NAV2: variants seen among roughly 807,000 people sequenced by gnomAD.
The protein encoded by NAV2 is neuron navigator 2.
A neutral mutation model predicts 223.2 loss-of-function variants in NAV2; 54 were observed. The observed-to-expected ratio is 0.24, with a 90% CI of 0.19 to 0.30. NAV2 has a LOEUF of 0.30. Among genes scored for constraint, NAV2 ranks in the 10% least tolerant of loss-of-function variants. NAV2 has a pLI of 1.00. For missense variants in NAV2, 2,806 were observed against 3,147.5 expected (o/e 0.89, Z 2.60); for synonymous variants, 1,279 against 1,239.3 (o/e 1.03, Z -0.67).
chr11:19,946,625 A>T (rs897497826), intron 9 of NAV2, 116 bp downstream of exon 9: 2 of 820,096 alleles, frequency 2.4e-6, no homozygotes, highest in African/African-American at 3.5e-5. Flanking sequence ...TCGCTTTCCA[A>T]ATGTGCCGGA....
intron 19 of NAV2, among the ~76,000 whole-genome samples, chr11:20,059,410 A>C (rs762883162): frequency 6.6e-6 from 1 of 152,228 alleles, no homozygotes; most frequent in Non-Finnish European, 1.5e-5. Flanking sequence ...GATGAGGGTC[A>C]GAGGCACTTG....
intron 1 of NAV2, among the ~76,000 whole-genome samples, chr11:19,507,832 T>A (rs1201214090): frequency 1.3e-5 from 2 of 152,202 alleles, no homozygotes; most frequent in Non-Finnish European, 2.9e-5. Flanking sequence ...GAGTCCATTG[T>A]TATCCTCAAG....
intron 1 of NAV2, among the ~76,000 whole-genome samples, chr11:19,589,162 A>T (rs2045982229): frequency 6.6e-6 from 1 of 152,176 alleles, no homozygotes; most frequent in South Asian, 2.1e-4. Flanking sequence ...TATTTCTTGG[A>T]TCCTAAGATG....
In NAV2 at chr11:20,072,342, C is replaced by A. The variant is rs192239348; in HGVS notation, c.4983+3944C>A. On this transcript the variant is annotated intron_variant, in intron 22 of 37. Transcript: ENST00000349880. ...ACCATGCTGTTTTGGTTACTGTAGC[C>A]TTGTAGTATAGTTTGAAGTCAGTGT... Among the ~76,000 whole-genome samples, 243 of 152,216 alleles carry A rather than the reference C, an allele frequency of 1.6e-3. 1 individual carries two copies. The highest frequency in any genetic ancestry group is 5.6e-3 in the African/African-American group (231 of 41,526).
At chr11:19,482,655 G>A (rs966808028) in intron 1 of NAV2, among the ~76,000 whole-genome samples, 18 of 152,154 alleles carry the variant, frequency 1.2e-4, no homozygotes, top group African/African-American at 3.9e-4. Flanking sequence ...GTTGTCATAG[G>A]CTGAGCAAGG....
intron 1 of NAV2, among the ~76,000 whole-genome samples, chr11:19,362,636 T>TA (rs993947315): frequency 6.6e-6 from 1 of 152,176 alleles, no homozygotes; most frequent in Admixed American, 6.5e-5. Context: ...GCCATCATCA[T>TA]AGTGAGAAGA....
At chr11:19,982,587 T>G (rs912347179) in intron 10 of NAV2, among the ~76,000 whole-genome samples, 1 of 152,180 alleles carries the variant, frequency 6.6e-6, no homozygotes, top group Non-Finnish European at 1.5e-5. Context: ...TCCAACAGAT[T>G]TCTCATTATG....
chr11:19,504,332 G>C (rs989220557), intron 1 of NAV2: 1 of 152,200 alleles, frequency 6.6e-6, no homozygotes, highest in Non-Finnish European at 1.5e-5. Context: ...TTAGGCTCAT[G>C]ATGGTGACAT....
At chr11:19,385,866 A>G (rs1292370393) in intron 1 of NAV2, among the ~76,000 whole-genome samples, 2 of 148,830 alleles carry the variant, frequency 1.3e-5, no homozygotes, top group East Asian at 2.1e-4. Context: ...GGTTCACGCC[A>G]GTCTCCTGCC....
At chr11:20,110,477 G>A (rs928858695) in intron 36 of NAV2, among the ~76,000 whole-genome samples, 102 of 152,180 alleles carry the variant, frequency 6.7e-4, no homozygotes, top group African/African-American at 2.4e-3. Context: ...TGACAGCCCA[G>A]TGAGTCTCTT....
chr11:19,572,740 C>A (rs905743466), intron 1 of NAV2, among the ~76,000 whole-genome samples: 1 of 152,180 alleles, frequency 6.6e-6, no homozygotes, highest in African/African-American at 2.4e-5. Context: ...TCTCTCTATG[C>A]CTCATTTTCT....
rs150104205 is a variant in NAV2, at chr11:19,813,018, C to T, written c.268-19466C>T. On this transcript the variant is annotated intron_variant, in intron 1 of 37. Transcript: ENST00000349880. ...CATTCCCTTGTTGGAATCTGGAATC[C>T]GGCACCCATGCCAATGTCTCGGTAG... Among the ~76,000 whole-genome samples the T allele has an allele frequency of 3.6e-3, 545 of 152,062 alleles. 1 individual carries two copies. Among genetic ancestry groups the T allele is most frequent in the African/African-American group, 0.013 (519 of 41,490 alleles).
intron 5 of NAV2, chr11:19,884,480 G>A (rs1040640604): frequency 4.4e-5 from 36 of 811,926 alleles, no homozygotes; most frequent in East Asian, 4.2e-4. Context: ...TTTGCAGTTC[G>A]AGAAAACTAA....
At chr11:20,082,889 C>T in intron 25 of NAV2, 118 bp from the exon 26 acceptor site, 1 of 1,002,606 alleles carries the variant, frequency 1.0e-6, no homozygotes, top group Non-Finnish European at 1.5e-6. Context: ...GAACCTCTTC[C>T]ATTGGTGGGG....
intron 17 of NAV2, among the ~76,000 whole-genome samples, chr11:20,052,681 A>G (rs900060341): frequency 4.6e-5 from 7 of 152,210 alleles, no homozygotes; most frequent in Admixed American, 2.6e-4. Context: ...CAGGCAATTG[A>G]TGTGTCCTGG....
At chr11:20,036,183 G>T in intron 12 of NAV2, 86 bp downstream of exon 12, 1 of 1,510,312 alleles carries the variant, frequency 6.6e-7, no homozygotes. Context: ...GGCCATTTGG[G>T]GCAACCAGAA....
At chr11:19,768,606 T>C (rs1590393113) in intron 1 of NAV2, among the ~76,000 whole-genome samples, 1 of 152,138 alleles carries the variant, frequency 6.6e-6, no homozygotes, top group Non-Finnish European at 1.5e-5. Context: ...TGAGGCAGGC[T>C]AGTTCTATGT....
At chr11:19,511,631 G>A (rs2043283196) in intron 1 of NAV2, 1 of 152,220 alleles carries the variant, frequency 6.6e-6, no homozygotes, top group Non-Finnish European at 1.5e-5. Context: ...AAAGCCTCTG[G>A]AAGCAGACGC....
At chr11:20,071,034 C>T (rs1014879027) in intron 22 of NAV2, among the ~76,000 whole-genome samples, 10 of 151,984 alleles carry the variant, frequency 6.6e-5, no homozygotes, top group South Asian at 2.1e-4. Context: ...TATACATGTG[C>T]CATGGTGGTT....
Sources: gnomAD v4.1 joint callset for allele counts (sites outside exome capture counted in the v4.1 genomes callset) on GRCh38, gnomAD v4.1.1 for gene constraint, MANE v1.5 for transcripts, NCBI Gene and HGNC (gene_info 2026-07-23, HGNC 2026-07-21) for gene names.